Variants in ASTN2 observed in about 807,000 individuals in gnomAD.
ASTN2 encodes astrotactin 2, also known as astrotactin-2.
ASTN2 carries 54 observed loss-of-function variants against 139.8 expected under a neutral mutation model. The ratio of observed to expected loss-of-function variants is 0.39; its 90% CI spans 0.31 to 0.48. The LOEUF (loss-of-function observed/expected upper bound fraction) is 0.48, where lower values mean the gene tolerates loss of function less well. ASTN2 is among the 20% of genes least tolerant of loss of function. The probability of loss-of-function intolerance (pLI) is 0.95; values close to 1 mark genes in which losing one functional copy is unlikely to be tolerated. For synonymous variants in ASTN2, 756 were observed against 719.5 expected, an observed-to-expected ratio of 1.05 and a Z score of -0.81; for missense variants, 1,565 against 1,725.1, an observed-to-expected ratio of 0.91 and a Z score of 1.64.
At chr9:117,188,991 A>G (rs539917313) in intron 3 of ASTN2, among the ~76,000 whole-genome samples, 1 of 152,252 alleles carries the variant, frequency 6.6e-6, no homozygotes, top group South Asian at 2.1e-4. Context: ...CATTCTCACC[A>G]GGACTTCATA....
intron 19 of ASTN2, chr9:116,584,487 C>A (rs1854072257): frequency 6.6e-6 from 1 of 152,130 alleles, no homozygotes; most frequent in Non-Finnish European, 1.5e-5. Context: ...AATTCAACAT[C>A]CATTTCAAAT....
At chr9:116,852,777 G>A (rs538479308) in intron 11 of ASTN2, among the ~76,000 whole-genome samples, 69 of 152,096 alleles carry the variant, frequency 4.5e-4, no homozygotes, top group African/African-American at 1.5e-3. Context: ...GTGGAAGAGA[G>A]TCCTACACTG....
Position 117,060,448 on chromosome 9 carries a change from G to GA in ASTN2, c.1277-20484dup, listed in dbSNP as rs781539410. ...GAAGGAAGGAAGAGAGAGAGAGAAAGAAAGAAAGAAAGGAAGGAAGGAAGG... is the reference window on the plus strand; with the variant it reads ...GAAGGAAGGAAGAGAGAGAGAGAAAGAAAAGAAAGAAAGGAAGGAAGGAAGG... On this transcript the variant is annotated intron_variant, in intron 5 of 22. Coordinates refer to ENST00000313400, the MANE Select transcript of ASTN2 (RefSeq NM_001365068.1). 1.1e-3 allele frequency among the ~76,000 whole-genome samples: 90 copies of GA among 81,152 alleles called. 5 individuals are homozygous for GA. The highest frequency in any genetic ancestry group is 1.8e-3 in the Non-Finnish European group (81 of 43,876). 53.2% of individuals were successfully genotyped at this position (81,152 alleles called of 152,430 possible). A position where few individuals can be genotyped will look rare whatever the true frequency, so the allele number is the denominator to read the frequency against.
intron 11 of ASTN2, among the ~76,000 whole-genome samples, chr9:116,830,390 A>T (rs576724188): frequency 7.0e-6 from 1 of 141,996 alleles, no homozygotes; most frequent in Non-Finnish European, 1.5e-5. Flanking sequence ...AATGAGCACA[A>T]CCTTTAAGGA....
intron 1 of ASTN2, among the ~76,000 whole-genome samples, chr9:117,293,354 A>T (rs374077435): frequency 6.6e-6 from 1 of 152,120 alleles, no homozygotes; most frequent in African/African-American, 2.4e-5. Context: ...TGCCAAGCAA[A>T]AGTCATCTCA....
chr9:117,157,404 G>A (rs1830455920), intron 3 of ASTN2, among the ~76,000 whole-genome samples: 1 of 151,986 alleles, frequency 6.6e-6, no homozygotes. Flanking sequence ...CTCATGCAAG[G>A]AATTATACCA....
intron 1 of ASTN2, among the ~76,000 whole-genome samples, chr9:117,385,809 A>G (rs1830380221): frequency 6.6e-6 from 1 of 152,116 alleles, no homozygotes; most frequent in African/African-American, 2.4e-5. Context: ...GGAGAGCTAA[A>G]CTGAGACAAA....
chr9:117,056,250 T>C (rs1839061181), intron 5 of ASTN2, among the ~76,000 whole-genome samples: 1 of 152,202 alleles, frequency 6.6e-6, no homozygotes, highest in African/African-American at 2.4e-5. Context: ...AAATTCCAAT[T>C]TGAGGGTGAT....
intron 2 of ASTN2, among the ~76,000 whole-genome samples, chr9:117,256,907 T>G (rs1833701661): frequency 6.6e-6 from 1 of 152,094 alleles, no homozygotes; most frequent in South Asian, 2.1e-4. Flanking sequence ...TAAGAAATTG[T>G]TAAAGACACA....
intron 2 of ASTN2, among the ~76,000 whole-genome samples, chr9:117,286,758 A>C (rs928312872): frequency 3.3e-5 from 5 of 152,206 alleles, no homozygotes; most frequent in African/African-American, 1.2e-4. Flanking sequence ...TCCCTAACTG[A>C]CAAGTTTCCA....
intron 1 of ASTN2, among the ~76,000 whole-genome samples, chr9:117,317,446 C>G (rs1828179211): frequency 6.6e-6 from 1 of 152,158 alleles, no homozygotes; most frequent in Non-Finnish European, 1.5e-5. Flanking sequence ...GTAGCAGCTG[C>G]TTGGTGCAGA....
At chr9:117,211,480 GCT>G (rs370974694) in intron 3 of ASTN2, among the ~76,000 whole-genome samples, 1 of 151,812 alleles carries the variant, frequency 6.6e-6, no homozygotes, top group African/African-American at 2.4e-5. Context: ...TTCTCCCATT[GCT>G]CTCTCTCTCT....
intron 3 of ASTN2, among the ~76,000 whole-genome samples, chr9:117,200,086 T>G (rs1273747130): frequency 6.6e-6 from 1 of 151,050 alleles, no homozygotes; most frequent in Non-Finnish European, 1.5e-5. Flanking sequence ...TTTTTAAATT[T>G]TATTATTATT....
In ASTN2 at chr9:116,733,843, T is replaced by C. The variant is rs1018889328; in HGVS notation, c.2397-320A>G. ...TCTAAGGGCTGTTGTAAGCACTTAA[T>C]GGGAAAAACCTACCAATTATTTAAG... On this transcript the variant is annotated intron_variant, in intron 13 of 22. Coordinates refer to ENST00000313400, the MANE Select transcript of ASTN2 (RefSeq NM_001365068.1). Among the ~76,000 whole-genome samples the C allele has an allele frequency of 5.9e-5, 9 of 152,188 alleles. No homozygotes were observed. The East Asian group carries it at 1.7e-3, about 29-fold the overall frequency.
At chr9:116,814,057 G>C (rs1831242267) in intron 12 of ASTN2, among the ~76,000 whole-genome samples, 1 of 150,516 alleles carries the variant, frequency 6.6e-6, no homozygotes, top group South Asian at 2.1e-4. Flanking sequence ...AAAAAAAAGA[G>C]AGAGAGAGAA....
At position 116,516,343 on chromosome 9, in the gene ASTN2, A is replaced by C. The variant is rs530327289; in HGVS notation, c.3356-28843T>G. On this transcript the variant is annotated intron_variant, in intron 19 of 22. Coordinates refer to ENST00000313400, the MANE Select transcript of ASTN2 (RefSeq NM_001365068.1). ...GGAGGTAGCAGCTAACATGTTTGAG[A>C]GATCAAAAAGATACTATTATTATTA... Among the ~76,000 whole-genome samples, 4 of 152,350 alleles carry C rather than the reference A, an allele frequency of 2.6e-5. No homozygotes were observed. The East Asian group carries it at 7.7e-4, about 29-fold the overall frequency.
intron 19 of ASTN2, among the ~76,000 whole-genome samples, chr9:116,591,032 G>T (rs1308332212): frequency 6.6e-6 from 1 of 152,200 alleles, no homozygotes; most frequent in Non-Finnish European, 1.5e-5. Context: ...TTTCCTGGAA[G>T]CAGGACAAGA....
chr9:117,050,465 C>T (rs1195232753), intron 5 of ASTN2, among the ~76,000 whole-genome samples: 1 of 152,060 alleles, frequency 6.6e-6, no homozygotes, highest in Non-Finnish European at 1.5e-5. Flanking sequence ...CTCCTGCTTC[C>T]TCCCCTGCTC....
intron 17 of ASTN2, among the ~76,000 whole-genome samples, chr9:116,640,161 C>G (rs888136930): frequency 6.6e-6 from 1 of 152,052 alleles, no homozygotes; most frequent in Non-Finnish European, 1.5e-5. Context: ...AATGTTCAGA[C>G]ACAGTCTCCA....
Sources: allele counts gnomAD v4.1 joint callset (sites outside exome capture counted in the v4.1 genomes callset), GRCh38; gene constraint gnomAD v4.1.1; transcripts MANE v1.5; gene names NCBI Gene and HGNC (gene_info 2026-07-23, HGNC 2026-07-21).